USP6NL: variants seen among roughly 807,000 people sequenced by gnomAD.
The protein encoded by USP6NL is USP6 N-terminal like.
USP6NL carries 26 observed loss-of-function variants against 61.9 expected under a neutral mutation model. The ratio of observed to expected loss-of-function variants is 0.42; its 90% confidence interval spans 0.31 to 0.58. The LOEUF (loss-of-function observed/expected upper bound fraction) is 0.58, where lower values mean the gene tolerates loss of function less well. Ranked by LOEUF, USP6NL falls within the 20% of genes least tolerant of loss-of-function variation. The probability of loss-of-function intolerance (pLI) is 0.16; values close to 1 mark genes in which losing one functional copy is unlikely to be tolerated. For missense variants in USP6NL, 1,114 were observed against 1,034.3 expected (o/e 1.08, Z -1.06); for synonymous variants, 432 against 390.1 (o/e 1.11, Z -1.27).
rs544019107 is a variant in USP6NL at position 11,474,886 on chromosome 10, G to A, written c.1078+6884C>T. On this transcript the variant is annotated intron_variant, in intron 14 of 14. Transcript: ENST00000609104. This position sits in a 1 kb window ranked among gnomAD's most constrained non-coding sequence, Gnocchi z 4.9. ...GTGGGATGTGAAGTGTGGAAGCTGC[G>A]GACAGAAAAGTGCTATACCTTACAC... is the stretch of plus-strand genomic sequence containing the variant. Among the ~76,000 whole-genome samples, 4 of 152,202 alleles carry A rather than the reference G, an allele frequency of 2.6e-5. No individual in the cohort carries two copies. Among genetic ancestry groups the A allele is most frequent in the East Asian group, 1.9e-4 (1 of 5,170 alleles).
chr10:11,554,438 C>T (rs920975657), intron 2 of USP6NL, among the ~76,000 whole-genome samples: 2 of 152,194 alleles, frequency 1.3e-5, no homozygotes, highest in African/African-American at 4.8e-5. Context: ...CTAAACAGAA[C>T]TTGTGGCAGT....
In USP6NL at chr10:11,589,963, A is replaced by G. The variant is rs563958675; in HGVS notation, c.4+7668T>C. ...GCACTCTACTACCAACTGCCTGCAC[A>G]ACGGCCATTATCTCTGAACATGAAT... On this transcript the variant is annotated intron_variant, in intron 2 of 14. Transcript: ENST00000609104. The surrounding 1 kb of genome is among the most constrained non-coding windows in gnomAD (Gnocchi z 4.7). Among the ~76,000 whole-genome samples, 3 of 152,310 alleles carry G rather than the reference A, an allele frequency of 2.0e-5. No homozygotes were observed. In the East Asian group the frequency reaches 5.8e-4, roughly 29 times the overall value.
In USP6NL at chr10:11,532,131, G is replaced by C. The variant is rs769098450; in HGVS notation, c.5-4564C>G. 1.5e-6 allele frequency: 2 copies of C among 1,357,558 alleles called. No homozygotes were observed. The highest frequency in any genetic ancestry group is 2.4e-5 in the East Asian group (1 of 40,966). 84.1% of individuals were successfully genotyped at this position (1,357,558 alleles called of 1,614,324 possible). On this transcript the variant is annotated intron_variant, in intron 2 of 14. Coordinates refer to ENST00000609104, the MANE Select transcript of USP6NL (RefSeq NM_014688.5). The surrounding 1 kb of genome is among the most constrained non-coding windows in gnomAD (Gnocchi z 4.1). ...ATTTTTCCTAGAGTACATTTTGACA[G>C]ATGAACGTTAAAAATATAAACAACA... is the stretch of plus-strand genomic sequence containing the variant.
At chr10:11,498,307 A>G (rs1466633695) in intron 7 of USP6NL, among the ~76,000 whole-genome samples, 6 of 148,140 alleles carry the variant, frequency 4.1e-5, no homozygotes, top group East Asian at 3.9e-4. Context: ...ACTGAGCCAC[A>G]CTAAGGCTGT....
chr10:11,512,296 T>A (rs1000580185), intron 5 of USP6NL, among the ~76,000 whole-genome samples: 4 of 152,156 alleles, frequency 2.6e-5, no homozygotes, highest in African/African-American at 9.7e-5. Flanking sequence ...ACAGCATCAC[T>A]ACCCACTAAG....
In USP6NL at chr10:11,568,294, AT is replaced by A. The variant is rs569580534; in HGVS notation, c.4+29336del. Among the ~76,000 whole-genome samples the A allele has an allele frequency of 2.1e-3, 317 of 152,290 alleles. 5 individuals carry two copies. Among genetic ancestry groups the A allele is most frequent in the African/African-American group, 7.4e-3 (306 of 41,536 alleles). On this transcript the variant is annotated intron_variant, in intron 2 of 14. Coordinates refer to ENST00000609104, the MANE Select transcript of USP6NL (RefSeq NM_014688.5). ...CTTCAAGAAACTAATTAGAATATGA[AT>A]GTCAATGCTCTGTAAGATCTTAGAG... is the stretch of plus-strand genomic sequence containing the variant.
At chr10:11,582,235 G>C (rs1837799608) in intron 2 of USP6NL, among the ~76,000 whole-genome samples, 1 of 152,206 alleles carries the variant, frequency 6.6e-6, no homozygotes, top group Non-Finnish European at 1.5e-5. Context: ...CAAAGTGCTG[G>C]GATTACAGGC....
intron 7 of USP6NL, among the ~76,000 whole-genome samples, chr10:11,500,773 C>G (rs1442347459): frequency 6.6e-6 from 1 of 152,146 alleles, no homozygotes; most frequent in Non-Finnish European, 1.5e-5. Context: ...ATGTGGCAAA[C>G]AAGCAGCTAT....
chr10:11,530,120 A>AG (rs1168258363), intron 2 of USP6NL, among the ~76,000 whole-genome samples: 2 of 151,678 alleles, frequency 1.3e-5, no homozygotes, highest in Admixed American at 6.6e-5. Flanking sequence ...AAAAAAAAAA[A>AG]AAAAGAAATT....
intron 5 of USP6NL, among the ~76,000 whole-genome samples, chr10:11,516,499 T>G (rs1164343292): frequency 6.6e-6 from 1 of 152,222 alleles, no homozygotes; most frequent in Non-Finnish European, 1.5e-5. Context: ...CCTGAAGAAC[T>G]TGGGGGAAAT....
chr10:11,488,965 T>A, intron 10 of USP6NL, 137 bp downstream of exon 10: 1 of 1,126,262 alleles, frequency 8.9e-7, no homozygotes, highest in Non-Finnish European at 1.2e-6. Flanking sequence ...AAGAAACTAG[T>A]AACAAATACT....
At position 11,594,224 on chromosome 10, in the gene USP6NL, T is replaced by C. The variant is rs140929213; in HGVS notation, c.4+3407A>G. 2.2e-3 allele frequency among the ~76,000 whole-genome samples: 330 copies of C among 152,252 alleles called. 1 individual carries two copies. The highest frequency in any genetic ancestry group is 7.7e-3 in the African/African-American group (319 of 41,552). ...TAATACTCCCTAACCTTTGGTACAG[T>C]AGTCTACTAAGGAACAATTTCTTTC... On this transcript the variant is annotated intron_variant, in intron 2 of 14. Transcript: ENST00000609104.
rs894842697 is a variant in USP6NL, at chr10:11,481,144, A to C, written c.1078+626T>G. On this transcript the variant is annotated intron_variant, in intron 14 of 14. Coordinates refer to ENST00000609104, the MANE Select transcript of USP6NL (RefSeq NM_014688.5). This position sits in a 1 kb window ranked among gnomAD's most constrained non-coding sequence, Gnocchi z 4.4. ...CTGAGAGCTTCTCATCTTTCTCTTC[A>C]GTTCTTAAATCCCCAGCAAAGTAGT... is the stretch of plus-strand genomic sequence containing the variant. Among the ~76,000 whole-genome samples the C allele has an allele frequency of 8.5e-5, 13 of 152,132 alleles. No individual in the cohort carries two copies. The highest frequency in any genetic ancestry group is 1.9e-4 in the Non-Finnish European group (13 of 68,034).
intron 2 of USP6NL, among the ~76,000 whole-genome samples, chr10:11,547,160 A>G (rs1030740074): frequency 6.6e-6 from 1 of 152,208 alleles, no homozygotes; most frequent in Non-Finnish European, 1.5e-5. Context: ...CTCATAATCT[A>G]TAAAAGAAAA....
chr10:11,468,105 T>G lies in USP6NL; in HGVS notation c.1079-4256A>C, dbSNP rs1832556307. Among the ~76,000 whole-genome samples, 1 of 152,242 alleles carries G rather than the reference T, an allele frequency of 6.6e-6. No homozygotes were observed. The highest frequency in any genetic ancestry group is 1.5e-5 in the Non-Finnish European group (1 of 68,048). On this transcript the variant is annotated intron_variant, in intron 14 of 14. Coordinates refer to ENST00000609104, the MANE Select transcript of USP6NL (RefSeq NM_014688.5). The surrounding 1 kb of genome is among the most constrained non-coding windows in gnomAD (Gnocchi z 4.5). ...GGAGTCATGATGAGTGATCACCTTC[T>G]TTGCTTTCTGAGTGATCAAAAATCC... is the stretch of plus-strand genomic sequence containing the variant.
chr10:11,577,531 C>T (rs940783743), intron 2 of USP6NL, among the ~76,000 whole-genome samples: 4 of 152,030 alleles, frequency 2.6e-5, no homozygotes, highest in Non-Finnish European at 5.9e-5. Flanking sequence ...GACAGAGTCT[C>T]GCTCTGTCAG....
intron 2 of USP6NL, among the ~76,000 whole-genome samples, chr10:11,567,289 C>A (rs1341557446): frequency 1.3e-5 from 2 of 152,218 alleles, no homozygotes; most frequent in East Asian, 1.9e-4. Flanking sequence ...TTTCAAGCAA[C>A]AACTGACTGC....
chr10:11,478,988 T>C lies in USP6NL; in HGVS notation c.1078+2782A>G, dbSNP rs1833079249. Among the ~76,000 whole-genome samples, 1 of 150,746 alleles carries C rather than the reference T, an allele frequency of 6.6e-6. No individual in the cohort carries two copies. The highest frequency in any genetic ancestry group is 1.5e-5 in the Non-Finnish European group (1 of 67,426). On this transcript the variant is annotated intron_variant, in intron 14 of 14. Coordinates refer to ENST00000609104, the MANE Select transcript of USP6NL (RefSeq NM_014688.5). This position sits in a 1 kb window ranked among gnomAD's most constrained non-coding sequence, Gnocchi z 6.8. The stretch of plus-strand genomic sequence containing the variant: ...AATGTAATGTAATAAATGCCACTAA[T>C]CCACATGACTAATGGTTTGGAAAAT...
intron 14 of USP6NL, among the ~76,000 whole-genome samples, chr10:11,473,390 A>G (rs1169544360): frequency 3.9e-5 from 6 of 152,210 alleles, no homozygotes; most frequent in African/African-American, 1.4e-4. Flanking sequence ...TGGACGGGTC[A>G]GGCACAAAAC....
Sources: allele counts gnomAD v4.1 joint callset (sites outside exome capture counted in the v4.1 genomes callset), GRCh38; gene constraint gnomAD v4.1.1; non-coding constraint Gnocchi (gnomAD v3.1); transcripts MANE v1.5; gene names NCBI Gene and HGNC (gene_info 2026-07-23, HGNC 2026-07-21).